The following MTUS2 variants were observed in gnomAD, a reference collection of about 807,000 sequenced individuals.
The protein encoded by MTUS2 is microtubule associated scaffold protein 2.
Under a neutral mutation model 114.1 loss-of-function variants are expected in MTUS2, and 40 were observed. The ratio of observed to expected loss-of-function variants is 0.35; its 90% confidence interval spans 0.27 to 0.46. MTUS2 has a LOEUF of 0.46. Among genes scored for constraint, MTUS2 ranks in the 20% least tolerant of loss-of-function variants. The pLI, the probability that MTUS2 is intolerant of heterozygous loss-of-function variation, is 1.00. For synonymous variants in MTUS2, 688 were observed against 672.0 expected, an observed-to-expected ratio of 1.02 and a Z score of -0.37; for missense variants, 1,679 against 1,705.4, an observed-to-expected ratio of 0.98 and a Z score of 0.27.
chr13:29,491,554 G>T (rs1209710383), intron 11 of MTUS2, among the ~76,000 whole-genome samples: 2 of 122,196 alleles, frequency 1.6e-5, no homozygotes, highest in Non-Finnish European at 3.4e-5. Context: ...TGTGTGTGTG[G>T]TATATGTATG....
chr13:28,939,805 C>G (rs1882124110), intron 2 of MTUS2, among the ~76,000 whole-genome samples: 1 of 151,946 alleles, frequency 6.6e-6, no homozygotes, highest in South Asian at 2.1e-4. Context: ...AAGACATACC[C>G]AACGCTGGGT....
At chr13:29,006,084 G>A (rs974927503) in intron 2 of MTUS2, among the ~76,000 whole-genome samples, 42 of 152,126 alleles carry the variant, frequency 2.8e-4, no homozygotes, top group Non-Finnish European at 4.7e-4. Context: ...TTGTATGGAG[G>A]GGCTGTGCAA....
At chr13:29,436,610 C>G (rs981268660) in intron 8 of MTUS2, among the ~76,000 whole-genome samples, 2 of 152,172 alleles carry the variant, frequency 1.3e-5, no homozygotes, top group African/African-American at 2.4e-5. Context: ...GAAAAGCCAT[C>G]TAATGACTAT....
intron 2 of MTUS2, among the ~76,000 whole-genome samples, chr13:28,974,641 A>G (rs185725478): frequency 7.5e-4 from 114 of 152,368 alleles, no homozygotes; most frequent in African/African-American, 2.5e-3. Context: ...TGTCCAATCA[A>G]TGCATAAATG....
chr13:29,262,153 G>A (rs1038402826), intron 5 of MTUS2, among the ~76,000 whole-genome samples: 7 of 152,256 alleles, frequency 4.6e-5, no homozygotes, highest in African/African-American at 1.4e-4. Context: ...CTTTGAGAGA[G>A]TCAGTGTTAG....
intron 11 of MTUS2, chr13:29,488,278 C>T (rs999165791): frequency 8.6e-5 from 40 of 464,978 alleles, no homozygotes; most frequent in Middle Eastern, 6.0e-4. Context: ...AAGACCAATG[C>T]CAGCCTCAGT....
At chr13:29,366,228 T>C (rs369629850) in intron 8 of MTUS2, among the ~76,000 whole-genome samples, 3 of 152,154 alleles carry the variant, frequency 2.0e-5, no homozygotes, top group African/African-American at 7.2e-5. Flanking sequence ...GGCCTCACAA[T>C]CATGGCAGAA....
intron 5 of MTUS2, among the ~76,000 whole-genome samples, chr13:29,266,403 A>T (rs1253914486): frequency 6.6e-6 from 1 of 152,220 alleles, no homozygotes; most frequent in Non-Finnish European, 1.5e-5. Context: ...AAACCCAGAG[A>T]TTAATGCTTA....
intron 2 of MTUS2, among the ~76,000 whole-genome samples, chr13:28,994,471 C>T (rs932455466): frequency 8.5e-5 from 13 of 152,286 alleles, no homozygotes; most frequent in Admixed American, 3.3e-4. Flanking sequence ...CCTGAGGAAT[C>T]GCCACACCGA....
rs143970168 is a variant in MTUS2, at chr13:29,069,624, A to G, written c.2447-31149A>G. Reference sequence around the variant, plus strand: ...AAAATTAACTATGACACCTCCTGACACTGTGAGCCACATTCACATAAGAAT... The same window carrying G: ...AAAATTAACTATGACACCTCCTGACGCTGTGAGCCACATTCACATAAGAAT... On this transcript the variant is annotated intron_variant, in intron 4 of 15. Transcript: ENST00000612955. Among the ~76,000 whole-genome samples the G allele has an allele frequency of 2.0e-5, 3 of 152,338 alleles. No homozygotes were observed. The East Asian group carries it at 5.8e-4, about 29-fold the overall frequency.
At chr13:29,305,923 A>G (rs1439825127) in intron 6 of MTUS2, among the ~76,000 whole-genome samples, 1 of 152,234 alleles carries the variant, frequency 6.6e-6, no homozygotes, top group Non-Finnish European at 1.5e-5. Context: ...GCAGCACATC[A>G]AGAAGCTTAT....
At chr13:28,845,868 T>G (rs1191626255) in intron 2 of MTUS2, among the ~76,000 whole-genome samples, 1 of 151,894 alleles carries the variant, frequency 6.6e-6, no homozygotes, top group African/African-American at 2.4e-5. Context: ...TGCAGCTCTG[T>G]AAGGATTACA....
chr13:29,159,249 G>A (rs865980160), intron 5 of MTUS2, among the ~76,000 whole-genome samples: 16 of 152,024 alleles, frequency 1.1e-4, no homozygotes, highest in African/African-American at 3.4e-4. Context: ...TGAAAGACAC[G>A]TACTAAAATT....
At chr13:29,242,873 C>A (rs563306611) in intron 5 of MTUS2, among the ~76,000 whole-genome samples, 1 of 152,052 alleles carries the variant, frequency 6.6e-6, no homozygotes, top group South Asian at 2.1e-4. Flanking sequence ...TACCATTTGT[C>A]ATCTTTTATA....
At chr13:29,031,804 C>T (rs975842477) in intron 3 of MTUS2, among the ~76,000 whole-genome samples, 2 of 151,966 alleles carry the variant, frequency 1.3e-5, no homozygotes, top group Non-Finnish European at 2.9e-5. Context: ...ACACCCTTCC[C>T]CCACCACTAT....
At chr13:28,944,180 G>T (rs747503518) in intron 2 of MTUS2, among the ~76,000 whole-genome samples, 1 of 151,638 alleles carries the variant, frequency 6.6e-6, no homozygotes, top group Non-Finnish European at 1.5e-5. Context: ...CAGGGTAATT[G>T]GTATATCCAT....
chr13:29,298,828 G>A (rs1544309), intron 6 of MTUS2, among the ~76,000 whole-genome samples: 99,183 of 151,982 alleles, frequency 0.65, 33,348 homozygotes, highest in Non-Finnish European at 0.73. Context: ...GCTCTTGTTC[G>A]CTTGGGAGTG....
intron 2 of MTUS2, among the ~76,000 whole-genome samples, chr13:28,949,821 G>GT (rs1882721750): frequency 6.7e-6 from 1 of 149,898 alleles, no homozygotes; most frequent in South Asian, 2.1e-4. Context: ...ATATTCCACT[G>GT]TAAAGATATA....
At chr13:29,237,936 G>GA (rs897894200) in intron 5 of MTUS2, among the ~76,000 whole-genome samples, 5 of 151,908 alleles carry the variant, frequency 3.3e-5, no homozygotes, top group Non-Finnish European at 7.4e-5. Context: ...GTAAAAAAAA[G>GA]AAAAAAAGAA....
Sources: gnomAD v4.1 joint callset for allele counts (sites outside exome capture counted in the v4.1 genomes callset) on GRCh38, gnomAD v4.1.1 for gene constraint, MANE v1.5 for transcripts, NCBI Gene and HGNC (gene_info 2026-07-23, HGNC 2026-07-21) for gene names.